Variants in MUC5AC observed in about 807,000 individuals in gnomAD.
The protein encoded by MUC5AC is mucin-5AC.
Under a neutral mutation model 169.7 loss-of-function variants are expected in MUC5AC, and 158 were observed. That is an observed-to-expected ratio of 0.93 (90% CI 0.82 to 1.06). The LOEUF is 1.06. Ranked by LOEUF, MUC5AC falls within the 50% of genes least tolerant of loss-of-function variation. The pLI, the probability that MUC5AC is intolerant of heterozygous loss-of-function variation, is 0.00. For synonymous variants in MUC5AC, 1,975 were observed against 1,237.0 expected (o/e 1.60, Z -12.52); for missense variants, 4,359 against 3,089.9 (o/e 1.41, Z -9.74).
intron 41 of MUC5AC, 36 bp downstream of exon 41, chr11:1,197,675 A>G (rs1179806626): frequency 1.5e-6 from 1 of 662,136 alleles, no homozygotes; most frequent in Admixed American, 2.1e-5. Flanking sequence ...ATGGTGTGGC[A>G]GGCAGGTGAC....
chr11:1,158,518 T>A (rs1188319705), intron 1 of MUC5AC, among the ~76,000 whole-genome samples: 1 of 152,150 alleles, frequency 6.6e-6, no homozygotes, highest in African/African-American at 2.4e-5. Flanking sequence ...TCGATGGGGA[T>A]CTCCTGCGGG....
At position 1,186,552 on chromosome 11, in the gene MUC5AC, A is replaced by T; in HGVS notation, c.8407A>T (p.Ser2803Cys). ...TTSTTSTTIT[S>C]TTSAPISSTT... is the part of the protein sequence containing the mutation. ...CAGCACAACCTCTACTACTATAACCAGCACAACTTCTGCCCCTATAAGCAG... is the reference window on the plus strand; with the variant it reads ...CAGCACAACCTCTACTACTATAACCTGCACAACTTCTGCCCCTATAAGCAG... Residue 2803 changes from serine (S) to cysteine (C), a missense_variant, in exon 31 of 49, where the codon AGC (serine) becomes TGC (cysteine). Physicochemically the swap from Ser to Cys is moderately radical, Grantham distance 112. Transcript: ENST00000621226. The T allele has an allele frequency of 1.4e-6, 1 of 702,238 alleles. No individual in the cohort carries two copies. The highest frequency in any genetic ancestry group is 1.5e-5 in the South Asian group (1 of 67,448). 43.5% of individuals were successfully genotyped at this position (702,238 alleles called of 1,614,324 possible).
rs1255022319 is a variant in MUC5AC at position 1,180,486 on chromosome 11, T to C, written c.3746T>C (p.Val1249Ala). 7 of 398,788 alleles carry C rather than the reference T, an allele frequency of 1.8e-5. No homozygotes were observed. The highest frequency in any genetic ancestry group is 3.1e-5 in the Non-Finnish European group (7 of 226,282). The allele number at this position is 398,788 out of a possible 1,614,324, so 24.7% of individuals were successfully genotyped here. The change falls in exon 28 of 49, where the codon GTG becomes GCG. Residue 1249 changes from valine (V) to alanine (A), a missense_variant. Physicochemically the swap from Val to Ala is moderately conservative, Grantham distance 64. Transcript: ENST00000621226. ...VHGKSYRPGA[V>A]VPSDKNCQSC... ...GGGAAGTCCTACCGGCCAGGTGCAGTGGTGCCCTCGGACAAGAACTGCCAG... is the reference window on the plus strand; with the variant it reads ...GGGAAGTCCTACCGGCCAGGTGCAGCGGTGCCCTCGGACAAGAACTGCCAG...
At chr11:1,159,410 G>C (rs1019413270) in intron 1 of MUC5AC, among the ~76,000 whole-genome samples, 20 of 140,604 alleles carry the variant, frequency 1.4e-4, no homozygotes, top group African/African-American at 5.3e-4. Flanking sequence ...CGATGATGGT[G>C]CTGGGCGGGG....
In MUC5AC at chr11:1,185,820, G is replaced by A. The variant is rs1860928636; in HGVS notation, c.7675G>A (p.Ala2559Thr). 1.3e-6 allele frequency: 1 copy of A among 747,382 alleles called. No homozygotes were observed. Among genetic ancestry groups the A allele is most frequent in the East Asian group, 2.5e-5 (1 of 40,330 alleles). 46.3% of individuals were successfully genotyped at this position (747,382 alleles called of 1,614,324 possible). Reference protein sequence around the residue: ...TSAPISSTTSATTTSTTSGPG... With the variant: ...TSAPISSTTSTTTTSTTSGPG... The stretch of plus-strand genomic sequence containing the variant: ...TGCCCCTATAAGCAGCACAACCTCT[G>A]CCACTACAACCAGCACAACCTCTGG... The change falls in exon 31 of 49, where the codon GCC becomes ACC. Residue 2559 changes from alanine to threonine, a missense_variant. By Grantham distance (58) the Ala-to-Thr change is moderately conservative (BLOSUM62 0). Coordinates refer to ENST00000621226, the MANE Select transcript of MUC5AC (RefSeq NM_001304359.2).
intron 30 of MUC5AC, 73 bp downstream of exon 30, chr11:1,181,532 C>T (rs914440851): frequency 7.5e-6 from 3 of 397,714 alleles, no homozygotes; most frequent in East Asian, 3.6e-5. Context: ...CCTTGCTGGA[C>T]GCTGAGGTCA....
rs775777213 is a variant in MUC5AC, at chr11:1,162,069, G to T, written c.374G>T (p.Ser125Ile). Residue 125 changes from serine to isoleucine, a missense_variant, in exon 4 of 49, where the codon AGC (serine) becomes ATC (isoleucine). Transcript: ENST00000621226. ...GATTTTAACATCCAGCTACGCCGCA[G>T]CCAGGAGTCAGCGGCCCCCACGCTG... ...YEDFNIQLRR[S>I]QESAAPTLSR... The T allele has an allele frequency of 2.5e-6, 4 of 1,612,574 alleles. No homozygotes were observed. In the East Asian group the frequency reaches 6.7e-5, roughly 27 times the overall value.
chr11:1,170,222 T>C (rs1319242970), intron 15 of MUC5AC, among the ~76,000 whole-genome samples: 7 of 18,820 alleles, frequency 3.7e-4, no homozygotes, highest in Non-Finnish European at 5.3e-4. Context: ...CATTCACCCA[T>C]TCACTCACTC....
At position 1,188,740 on chromosome 11, in the gene MUC5AC, T is replaced by C; in HGVS notation, c.10595T>C (p.Val3532Ala). Residue 3532 changes from valine (V) to alanine (A), a missense_variant, in exon 31 of 49, where the codon GTG becomes GCG. Transcript: ENST00000621226. Reference sequence around the variant, plus strand: ...TGCACCTGGACCAAATGGTTTGATGTGGACTTTCCATCCCCTGGACCCCAC... The same window carrying C: ...TGCACCTGGACCAAATGGTTTGATGCGGACTTTCCATCCCCTGGACCCCAC... Reference protein sequence around the residue: ...PRCTWTKWFDVDFPSPGPHGG... With the variant: ...PRCTWTKWFDADFPSPGPHGG... 1.3e-6 allele frequency: 1 copy of C among 762,324 alleles called. No individual in the cohort carries two copies. Among genetic ancestry groups the C allele is most frequent in the African/African-American group, 1.7e-5 (1 of 59,116 alleles). 47.2% of individuals were successfully genotyped at this position (762,324 alleles called of 1,614,324 possible).
chr11:1,161,964 A>G lies in MUC5AC; in HGVS notation c.269A>G (p.Lys90Arg), dbSNP rs1489788792. ...AGCACCTGGGGCAGCTTCCACTACAAGACCTTCGACGGCGACGTCTTCCGC... is the reference window on the plus strand; with the variant it reads ...AGCACCTGGGGCAGCTTCCACTACAGGACCTTCGACGGCGACGTCTTCCGC... ...VCSTWGSFHY[K>R]TFDGDVFRFP... The change falls in exon 4 of 49, where the codon AAG (lysine) becomes AGG (arginine). Residue 90 changes from lysine to arginine, a missense_variant. By Grantham distance (26) the Lys-to-Arg change is conservative. Coordinates refer to ENST00000621226, the MANE Select transcript of MUC5AC (RefSeq NM_001304359.2). The G allele has an allele frequency of 1.2e-6, 2 of 1,612,214 alleles. No homozygotes were observed. The highest frequency in any genetic ancestry group is 1.7e-6 in the Non-Finnish European group (2 of 1,179,716).
At chr11:1,194,991 A>AC (rs1861224862) in intron 35 of MUC5AC, 21 bp from the exon 36 acceptor site, 1 of 708,088 alleles carries the variant, frequency 1.4e-6, no homozygotes, top group African/African-American at 1.7e-5. Context: ...CAGCAGCCTG[A>AC]CCCCCACCGC....
chr11:1,161,291 T>A (rs1860133510), intron 2 of MUC5AC, among the ~76,000 whole-genome samples: 1 of 151,380 alleles, frequency 6.6e-6, no homozygotes, highest in African/African-American at 2.4e-5. Context: ...CCTGGGGACT[T>A]CTTCCTGGTG....
At chr11:1,158,900 C>T (rs970536527) in intron 1 of MUC5AC, among the ~76,000 whole-genome samples, 11 of 152,228 alleles carry the variant, frequency 7.2e-5, no homozygotes, top group African/African-American at 2.7e-4. Flanking sequence ...AGAACCCTCT[C>T]CCGGTGTCTC....
At position 1,181,172 on chromosome 11, in the gene MUC5AC, CAA is replaced by C; in HGVS notation, c.3812_3813del (p.Lys1271SerfsTer2). 1 of 398,610 alleles carries C rather than the reference CAA, an allele frequency of 2.5e-6. No individual in the cohort carries two copies. Among genetic ancestry groups the C allele is most frequent in the African/African-American group, 2.1e-5 (1 of 48,718 alleles). 24.7% of individuals were successfully genotyped at this position (398,610 alleles called of 1,614,324 possible). ...CTERGVECTY[K>X]AEACVCTYNG... Reference sequence around the variant, plus strand: ...CGGAGCGCGGCGTGGAGTGCACCTACAAAGCTGAGGGTGAGCGGCCGGCAGCC... The same window carrying C: ...CGGAGCGCGGCGTGGAGTGCACCTACAGCTGAGGGTGAGCGGCCGGCAGCC... On this transcript the variant is annotated frameshift_variant, in exon 29 of 49. Coordinates refer to ENST00000621226, the MANE Select transcript of MUC5AC (RefSeq NM_001304359.2). LOFTEE classifies it high-confidence loss of function.
In MUC5AC at chr11:1,199,427, G is replaced by A; in HGVS notation, c.16452G>A (p.Lys5484=). ...ACTGTGTGACCCACCAGTGTGAGAA[G>A]CACCAGGATGGGCTCGTGGTGGTCA... The part of the protein sequence containing the change: ...GNHCVTHQCE[K]HQDGLVVVTT... Residue 5484 remains lysine (K), a synonymous_variant, in exon 46 of 49, where the codon AAG becomes AAA. Coordinates refer to ENST00000621226, the MANE Select transcript of MUC5AC (RefSeq NM_001304359.2). The A allele has an allele frequency of 1.4e-6, 1 of 732,442 alleles. No homozygotes were observed. The highest frequency in any genetic ancestry group is 1.7e-5 in the African/African-American group (1 of 58,408). 45.4% of individuals were successfully genotyped at this position (732,442 alleles called of 1,614,324 possible).
rs562921748 is a variant in MUC5AC at position 1,192,241 on chromosome 11, A to T, written c.14096A>T (p.Glu4699Val). 3 of 765,120 alleles carry T rather than the reference A, an allele frequency of 3.9e-6. No homozygotes were observed. The African/African-American group carries it at 5.1e-5, about 13-fold the overall frequency. 47.4% of individuals were successfully genotyped at this position (765,120 alleles called of 1,614,324 possible). The change falls in exon 31 of 49, where the codon GAG (glutamate) becomes GTG (valine). Residue 4699 changes from glutamate (E) to valine (V), a missense_variant. Physicochemically the swap from Glu to Val is moderately radical, Grantham distance 121. Transcript: ENST00000621226. ...LGQVVQCSRE[E>V]GLVCRNQDQQ... ...CAGGTGGTGCAGTGCAGCCGTGAAG[A>T]GGGCCTGGTGTGCCGGAACCAGGAC...
rs1860779049 is a variant in MUC5AC at position 1,180,055 on chromosome 11, A to G, written c.3518A>G (p.Gln1173Arg). Residue 1173 changes from glutamine to arginine, a missense_variant, in exon 27 of 49, where the codon CAG becomes CGG. Physicochemically the swap from Gln to Arg is conservative, Grantham distance 43. Coordinates refer to ENST00000621226, the MANE Select transcript of MUC5AC (RefSeq NM_001304359.2). ...LFCDYYNPEG[Q>R]CEWHYQPCGV... Reference sequence around the variant, plus strand: ...TGCGACTACTACAACCCCGAAGGCCAGTGCGAGTGGCACTACCAGCCCTGC... The same window carrying G: ...TGCGACTACTACAACCCCGAAGGCCGGTGCGAGTGGCACTACCAGCCCTGC... 2.5e-6 allele frequency: 1 copy of G among 398,874 alleles called. No homozygotes were observed. Among genetic ancestry groups the G allele is most frequent in the Non-Finnish European group, 4.4e-6 (1 of 226,162 alleles). 24.7% of individuals were successfully genotyped at this position (398,874 alleles called of 1,614,324 possible). A position where few individuals can be genotyped will look rare whatever the true frequency, so the allele number is the denominator to read the frequency against.
chr11:1,188,099 C>T lies in MUC5AC; in HGVS notation c.9954C>T (p.Leu3318=), dbSNP rs1554928477. The change falls in exon 31 of 49, where the codon CTC becomes CTT. Residue 3318 remains leucine, a synonymous_variant. Coordinates refer to ENST00000621226, the MANE Select transcript of MUC5AC (RefSeq NM_001304359.2). ...GCCTCAACTACGAGGTGCGTGTGCT[C>T]TGCTGCGAGACCCCTAAAGGTTGCC... is the stretch of plus-strand genomic sequence containing the variant. The part of the protein sequence containing the change: ...KMCLNYEVRV[L]CCETPKGCPV... The T allele has an allele frequency of 7.7e-5, 57 of 738,260 alleles. No homozygotes were observed. The highest frequency in any genetic ancestry group is 5.5e-4 in the African/African-American group (32 of 58,370). 45.7% of individuals were successfully genotyped at this position (738,260 alleles called of 1,614,324 possible).
At chr11:1,170,659 AC>A (rs1860484847) in intron 15 of MUC5AC, among the ~76,000 whole-genome samples, 1 of 137,934 alleles carries the variant, frequency 7.2e-6, no homozygotes, top group African/African-American at 2.8e-5. Context: ...TCACCCACTC[AC>A]TCACCCACTC....
Sources: allele counts gnomAD v4.1 joint callset (sites outside exome capture counted in the v4.1 genomes callset), GRCh38; gene constraint gnomAD v4.1.1; transcripts MANE v1.5; gene names NCBI Gene and HGNC (gene_info 2026-07-23, HGNC 2026-07-21).